The following DNAH7 variants were observed in gnomAD, a reference collection of about 807,000 sequenced individuals.
DNAH7 encodes the protein axonemal beta dynein heavy chain 7.
In DNAH7, 397 loss-of-function variants were observed where a neutral mutation model predicts 444.6. The ratio of observed to expected loss-of-function variants is 0.89; its 90% CI spans 0.82 to 0.97. The LOEUF is 0.97. Among genes scored for constraint, DNAH7 ranks in the 50% least tolerant of loss-of-function variants. The probability of loss-of-function intolerance (pLI) is 0.00; values close to 1 mark genes in which losing one functional copy is unlikely to be tolerated. For missense variants in DNAH7, 4,902 were observed against 4,800.8 expected, an observed-to-expected ratio of 1.02 and a Z score of -0.62; for synonymous variants, 1,636 against 1,624.4, an observed-to-expected ratio of 1.01 and a Z score of -0.17.
In DNAH7 at chr2:195,816,822, G is replaced by A. The variant is rs139963761; in HGVS notation, c.9567C>T (p.Ala3189=). 11,526 of 1,614,022 alleles carry A rather than the reference G, an allele frequency of 7.1e-3. 56 individuals are homozygous for A. The highest frequency in any genetic ancestry group is 8.4e-3 in the Non-Finnish European group (9,938 of 1,179,984). The change falls in exon 51 of 65, where the codon GCC becomes GCT. Residue 3189 remains alanine, a synonymous_variant. Transcript: ENST00000312428. ...TGTCAATCTTTTTCTCTGTCTCTTC[G>A]GCTACTTCCTGCTTCTGAGAAATCT... ...ANEISQKQEV[A]EETEKKIDTT...
chr2:196,023,992 T>C (rs1286331925), intron 8 of DNAH7, among the ~76,000 whole-genome samples: 2 of 152,140 alleles, frequency 1.3e-5, no homozygotes, highest in African/African-American at 4.8e-5. Context: ...TCGTTTGCCA[T>C]TTTACATGGG....
At chr2:195,754,230 T>G in intron 63 of DNAH7, 107 bp downstream of exon 63, 4 of 1,211,560 alleles carry the variant, frequency 3.3e-6, no homozygotes, top group Non-Finnish European at 2.3e-6. Context: ...TAAGGTAAAT[T>G]ACATTCATGT....
chr2:196,018,663 G>T (rs1695172112), intron 9 of DNAH7, among the ~76,000 whole-genome samples: 1 of 152,112 alleles, frequency 6.6e-6, no homozygotes, highest in African/African-American at 2.4e-5. Context: ...ACGTGCTGAA[G>T]AATGCATCAG....
intron 47 of DNAH7, among the ~76,000 whole-genome samples, chr2:195,835,672 C>T (rs1171474041): frequency 1.1e-4 from 16 of 151,990 alleles, no homozygotes; most frequent in African/African-American, 2.7e-4. Context: ...GGTGAAACTC[C>T]GTCTCTACTA....
rs1695031384 is a variant in DNAH7, at chr2:195,775,751, A to G, written c.11202+95T>C. ...CCTTTAAATGTTTCTCCACTTGAAC[A>G]GAATTGTGTAAGGAAGCCTGTTCAG... On this transcript the variant is annotated intron_variant, in intron 60 of 64. Transcript: ENST00000312428. 9.8e-6 allele frequency: 13 copies of G among 1,328,718 alleles called. No individual in the cohort carries two copies. The East Asian group carries it at 3.4e-4, about 35-fold the overall frequency. 82.3% of individuals were successfully genotyped at this position (1,328,718 alleles called of 1,614,324 possible).
intron 61 of DNAH7, among the ~76,000 whole-genome samples, chr2:195,769,018 T>TA (rs1431770336): frequency 6.6e-6 from 1 of 152,164 alleles, no homozygotes; most frequent in African/African-American, 2.4e-5. Context: ...GAAATGAGTT[T>TA]AATATGAGGT....
intron 17 of DNAH7, among the ~76,000 whole-genome samples, chr2:195,961,249 A>G (rs1362782098): frequency 6.6e-6 from 1 of 152,192 alleles, no homozygotes; most frequent in Non-Finnish European, 1.5e-5. Context: ...TGTAATAAGA[A>G]CACTACACAA....
At position 195,895,045 on chromosome 2, in the gene DNAH7, T is replaced by C; in HGVS notation, c.4827A>G (p.Gly1609=). 6.2e-7 allele frequency: 1 copy of C among 1,613,506 alleles called. No individual in the cohort carries two copies. Among genetic ancestry groups the C allele is most frequent in the Admixed American group, 1.7e-5 (1 of 60,030 alleles). The change falls in exon 30 of 65, where the codon GGA becomes GGG. Residue 1609 remains glycine, a synonymous_variant. Coordinates refer to ENST00000312428, the MANE Select transcript of DNAH7 (RefSeq NM_018897.3). The part of the protein sequence containing the change: ...MIVRHGFMIV[G]EPFGGKTSAY... ...CACTAGTTTTTCCTCCAAATGGTTC[T>C]CCAACAATCATAAAACCATGACGCA...
At chr2:195,975,198 C>T (rs954783162) in intron 15 of DNAH7, among the ~76,000 whole-genome samples, 6 of 152,090 alleles carry the variant, frequency 3.9e-5, no homozygotes, top group Non-Finnish European at 7.4e-5. Flanking sequence ...AAAGAGACAC[C>T]GAAGAGGGTA....
intron 2 of DNAH7, among the ~76,000 whole-genome samples, chr2:196,054,055 A>G (rs1697651670): frequency 6.6e-6 from 1 of 152,240 alleles, no homozygotes; most frequent in Middle Eastern, 3.4e-3. Context: ...TTCGACTTCC[A>G]TTTGTTTTGT....
chr2:196,050,384 T>C (rs1697389540), intron 3 of DNAH7, among the ~76,000 whole-genome samples: 1 of 152,148 alleles, frequency 6.6e-6, no homozygotes, highest in South Asian at 2.1e-4. Context: ...AGGGTTGCTG[T>C]TTAGTCAGAT....
intron 58 of DNAH7, among the ~76,000 whole-genome samples, chr2:195,785,127 G>A (rs1235295420): frequency 6.6e-6 from 1 of 152,116 alleles, no homozygotes; most frequent in Non-Finnish European, 1.5e-5. Context: ...TAGTCAGGAT[G>A]ATCTCGATCT....
rs1447314713 is a variant in DNAH7, at chr2:195,923,677, T to A, written c.3743A>T (p.Asp1248Val). Reference protein sequence around the residue: ...ALVVLDVHARDVLSSLVKKNI... With the variant: ...ALVVLDVHARVVLSSLVKKNI... The stretch of plus-strand genomic sequence containing the variant: ...TTTTTTTACAAGTGATGAGAGGACA[T>A]CTCTAGCATGGACATCCAGTACCAC... Residue 1248 changes from aspartate (D) to valine (V), a missense_variant, in exon 23 of 65, where the codon GAT becomes GTT. Transcript: ENST00000312428. 1.9e-6 allele frequency: 3 copies of A among 1,613,972 alleles called. No homozygotes were observed. Among genetic ancestry groups the A allele is most frequent in the African/African-American group, 2.7e-5 (2 of 74,900 alleles).
chr2:196,013,557 GT>G (rs1694841418), intron 9 of DNAH7, among the ~76,000 whole-genome samples: 1 of 152,100 alleles, frequency 6.6e-6, no homozygotes, highest in African/African-American at 2.4e-5. Context: ...CACATTTAAT[GT>G]TTCCTTAAAG....
chr2:195,939,450 T>C (rs904254635), intron 19 of DNAH7, among the ~76,000 whole-genome samples: 4 of 152,080 alleles, frequency 2.6e-5, no homozygotes, highest in Non-Finnish European at 4.4e-5. Context: ...CTTGGGCTCA[T>C]ACAGGGAAAC....
intron 49 of DNAH7, among the ~76,000 whole-genome samples, chr2:195,822,052 C>T (rs953856743): frequency 2.0e-5 from 3 of 152,140 alleles, no homozygotes; most frequent in Admixed American, 2.0e-4. Context: ...AGGCCACTAA[C>T]TATAGACTAC....
intron 9 of DNAH7, among the ~76,000 whole-genome samples, chr2:196,013,370 G>C (rs999053116): frequency 1.3e-5 from 2 of 152,024 alleles, no homozygotes; most frequent in Non-Finnish European, 2.9e-5. Context: ...GAGCCTGTCT[G>C]GTTTTTTTTA....
At chr2:195,922,048 GAA>G in intron 24 of DNAH7, 38 bp downstream of exon 24, 2 of 1,212,284 alleles carry the variant, frequency 1.6e-6, no homozygotes, top group Non-Finnish European at 2.4e-6. Context: ...AGGGGTGAGT[GAA>G]AGTTATTTCC....
chr2:195,788,986 A>G (rs1287952124), intron 57 of DNAH7, among the ~76,000 whole-genome samples: 1 of 152,198 alleles, frequency 6.6e-6, no homozygotes, highest in Non-Finnish European at 1.5e-5. Flanking sequence ...ATAATGCAGT[A>G]GCAATAAGCT....
Sources: gnomAD v4.1 joint callset for allele counts (sites outside exome capture counted in the v4.1 genomes callset) on GRCh38, gnomAD v4.1.1 for gene constraint, MANE v1.5 for transcripts, NCBI Gene and HGNC (gene_info 2026-07-23, HGNC 2026-07-21) for gene names.